MACROD2: variants seen among roughly 807,000 people sequenced by gnomAD.
MACROD2 encodes the protein ADP-ribose glycohydrolase MACROD2.
Under a neutral mutation model 70.4 loss-of-function variants are expected in MACROD2, and 36 were observed. The ratio of observed to expected loss-of-function variants is 0.51; its 90% CI spans 0.39 to 0.68. The LOEUF (loss-of-function observed/expected upper bound fraction) is 0.68, where lower values mean the gene tolerates loss of function less well. MACROD2 is among the 30% of genes least tolerant of loss of function. The pLI, the probability that MACROD2 is intolerant of heterozygous loss-of-function variation, is 0.00. For missense variants in MACROD2, 496 were observed against 538.4 expected (o/e 0.92, Z 0.78); for synonymous variants, 172 against 178.8 (o/e 0.96, Z 0.30).
chr20:15,896,155 T>C (rs146729214), intron 10 of MACROD2, among the ~76,000 whole-genome samples: 79 of 152,340 alleles, frequency 5.2e-4, no homozygotes, highest in African/African-American at 1.8e-3. Context: ...ATCAATGTTT[T>C]TTTAGCTTGG....
chr20:14,184,590 A>G (rs2081330195), intron 3 of MACROD2, among the ~76,000 whole-genome samples: 1 of 151,902 alleles, frequency 6.6e-6, no homozygotes, highest in South Asian at 2.1e-4. Flanking sequence ...GTTTAATAGG[A>G]ATAGCATTGA....
chr20:15,912,343 G>A (rs2065249740), intron 10 of MACROD2, among the ~76,000 whole-genome samples: 1 of 152,170 alleles, frequency 6.6e-6, no homozygotes, highest in Admixed American at 6.5e-5. Flanking sequence ...CTCATCATCT[G>A]CTTCACTTTC....
intron 6 of MACROD2, among the ~76,000 whole-genome samples, chr20:15,420,641 G>T (rs2046215287): frequency 1.3e-5 from 2 of 152,128 alleles, no homozygotes; most frequent in African/African-American, 2.4e-5. Context: ...CTGTTAAAGA[G>T]ATTTTATATT....
At chr20:14,623,461 TG>T (rs1983950786) in intron 4 of MACROD2, among the ~76,000 whole-genome samples, 2 of 152,140 alleles carry the variant, frequency 1.3e-5, no homozygotes, top group African/African-American at 4.8e-5. Context: ...TGGGAGATGG[TG>T]TTAACATATT....
intron 5 of MACROD2, among the ~76,000 whole-genome samples, chr20:15,115,262 C>T (rs148884627): frequency 1.2e-3 from 180 of 152,172 alleles, no homozygotes; most frequent in African/African-American, 3.7e-3. Context: ...CGGGGTCTCA[C>T]TTTGTTGCCC....
At chr20:14,655,687 TCTC>T (rs1419376557) in intron 4 of MACROD2, among the ~76,000 whole-genome samples, 1 of 152,208 alleles carries the variant, frequency 6.6e-6, no homozygotes, top group African/African-American at 2.4e-5. Context: ...TTTCTATGTG[TCTC>T]CTTTCAGGGA....
chr20:14,882,218 A>C (rs1327239561), intron 5 of MACROD2, among the ~76,000 whole-genome samples: 1 of 152,206 alleles, frequency 6.6e-6, no homozygotes, highest in African/African-American at 2.4e-5. Context: ...TCACTGAAAC[A>C]TGGCAAACAT....
chr20:15,888,726 A>G (rs1274991689), intron 10 of MACROD2, among the ~76,000 whole-genome samples: 1 of 152,064 alleles, frequency 6.6e-6, no homozygotes, highest in Non-Finnish European at 1.5e-5. Flanking sequence ...TGGCCCAAGG[A>G]TGCTAAGCCA....
In MACROD2 at chr20:14,876,214, G is replaced by C. The variant is rs1167826067; in HGVS notation, c.418+191255G>C. 2.0e-5 allele frequency among the ~76,000 whole-genome samples: 3 copies of C among 150,430 alleles called. No individual in the cohort carries two copies. In the Admixed American group the frequency reaches 2.0e-4, roughly 10 times the overall value. Reference sequence around the variant, plus strand: ...CACTGTGGTTTTGATTTGCATTTCTGTAATAATTAGTGAGGGTGATCTTTT... The same window carrying C: ...CACTGTGGTTTTGATTTGCATTTCTCTAATAATTAGTGAGGGTGATCTTTT... On this transcript the variant is annotated intron_variant, in intron 5 of 17. Coordinates refer to ENST00000684519, the MANE Select transcript of MACROD2 (RefSeq NM_001351661.2).
At chr20:14,861,012 T>G (rs955799685) in intron 5 of MACROD2, among the ~76,000 whole-genome samples, 1 of 152,160 alleles carries the variant, frequency 6.6e-6, no homozygotes, top group Admixed American at 6.5e-5. Flanking sequence ...GTTTATCAGT[T>G]CAGCAGTTCA....
intron 4 of MACROD2, among the ~76,000 whole-genome samples, chr20:14,516,200 TC>T (rs1228872065): frequency 6.6e-6 from 1 of 151,790 alleles, no homozygotes; most frequent in Non-Finnish European, 1.5e-5. Context: ...CTTAAAATGT[TC>T]TATTTAATAA....
chr20:15,992,952 G>T (rs192463907), intron 15 of MACROD2, among the ~76,000 whole-genome samples: 8 of 152,228 alleles, frequency 5.3e-5, no homozygotes, highest in African/African-American at 1.9e-4. Flanking sequence ...AGATTAATGT[G>T]TACCTTCATC....
At chr20:15,614,349 G>C (rs1022155318) in intron 8 of MACROD2, among the ~76,000 whole-genome samples, 6 of 152,044 alleles carry the variant, frequency 3.9e-5, no homozygotes, top group Non-Finnish European at 8.8e-5. Context: ...CAGTTCCCCT[G>C]GTTACTCCCA....
intron 6 of MACROD2, among the ~76,000 whole-genome samples, chr20:15,395,161 A>G: frequency 6.6e-6 from 1 of 152,184 alleles, no homozygotes; most frequent in Non-Finnish European, 1.5e-5. Flanking sequence ...ATATTCACCA[A>G]TGACCATTAT....
At chr20:15,048,124 A>AAATAAATAAATAAATAAT (rs2075409937) in intron 5 of MACROD2, among the ~76,000 whole-genome samples, 1 of 151,936 alleles carries the variant, frequency 6.6e-6, no homozygotes, top group Non-Finnish European at 1.5e-5. Flanking sequence ...AAATAATAAA[A>AAATAAATAAATAAATAAT]AATTAGCCAG....
chr20:15,376,359 G>A (rs1002415452), intron 6 of MACROD2, among the ~76,000 whole-genome samples: 10 of 152,158 alleles, frequency 6.6e-5, no homozygotes, highest in Non-Finnish European at 1.5e-5. Flanking sequence ...TCAGCAGGTG[G>A]TTGGATATCC....
At chr20:14,739,981 G>A (rs1035326667) in intron 5 of MACROD2, among the ~76,000 whole-genome samples, 3 of 151,970 alleles carry the variant, frequency 2.0e-5, no homozygotes, top group African/African-American at 7.2e-5. Context: ...TTCAAAGCAT[G>A]CATACAAGCT....
intron 6 of MACROD2, among the ~76,000 whole-genome samples, chr20:15,234,009 ATTCTTTTTT>A (rs2083423155): frequency 5.0e-5 from 2 of 39,984 alleles, no homozygotes; most frequent in Non-Finnish European, 9.4e-5. Flanking sequence ...ATATATATAT[ATTCTTTTTT>A]TTTTTTTTTT....
chr20:15,128,233 A>G (rs1219297820), intron 5 of MACROD2, among the ~76,000 whole-genome samples: 1 of 152,116 alleles, frequency 6.6e-6, no homozygotes, highest in Non-Finnish European at 1.5e-5. Context: ...GAAGTCACAT[A>G]TATTTTTTAA....
Sources: gnomAD v4.1 joint callset for allele counts (sites outside exome capture counted in the v4.1 genomes callset) on GRCh38, gnomAD v4.1.1 for gene constraint, MANE v1.5 for transcripts, NCBI Gene and HGNC (gene_info 2026-07-23, HGNC 2026-07-21) for gene names.